Variants in ARSB observed in about 807,000 individuals in gnomAD.
The protein encoded by ARSB is N-acetylgalactosamine-4-sulfatase.
ARSB carries 41 observed loss-of-function variants against 50.9 expected under a neutral mutation model. The observed-to-expected ratio is 0.81, with a 90% confidence interval of 0.63 to 1.04. The LOEUF (loss-of-function observed/expected upper bound fraction) is 1.04. Ranked by LOEUF, ARSB falls within the 50% of genes least tolerant of loss-of-function variation. ARSB has a pLI of 0.00. For synonymous variants in ARSB, 269 were observed against 284.8 expected (o/e 0.94, Z 0.56); for missense variants, 672 against 693.3 (o/e 0.97, Z 0.35).
At chr5:78,792,117 G>A (rs1238454491) in intron 6 of ARSB, among the ~76,000 whole-genome samples, 1 of 152,116 alleles carries the variant, frequency 6.6e-6, no homozygotes, top group Non-Finnish European at 1.5e-5. Context: ...GGTGGCTCAC[G>A]CCTGTAATCC....
rs1561421221 is a variant in ARSB, at chr5:78,780,483, G to C, written c.1516C>G (p.His506Asp). 1 of 1,614,024 alleles carries C rather than the reference G, an allele frequency of 6.2e-7. No individual in the cohort carries two copies. The stretch of plus-strand genomic sequence containing the variant: ...AAGTACACGGGGACTGAGTGTTTAT[G>C]GTAGAACTGTAGGCGGGACAGGAGC... ...TKLLSRLQFY[H>D]KHSVPVYFPA... The change falls in exon 8 of 8, where the codon CAT becomes GAT. Residue 506 changes from histidine (H) to aspartate (D), a missense_variant. His to Asp is a moderately conservative substitution (Grantham distance 81). Transcript: ENST00000264914.
chr5:78,958,669 G>A (rs1300038271), intron 3 of ARSB, among the ~76,000 whole-genome samples: 1 of 152,032 alleles, frequency 6.6e-6, no homozygotes, highest in African/African-American at 2.4e-5. Flanking sequence ...TAGCATGTTT[G>A]CAACTTCTGT....
chr5:78,795,385 G>A (rs758742068), intron 6 of ARSB, among the ~76,000 whole-genome samples: 4 of 152,124 alleles, frequency 2.6e-5, no homozygotes, highest in Non-Finnish European at 5.9e-5. Context: ...AGGGGGCCTG[G>A]GAGCCACACC....
intron 4 of ARSB, among the ~76,000 whole-genome samples, chr5:78,952,044 A>G (rs562183905): frequency 2.2e-4 from 33 of 152,286 alleles, no homozygotes; most frequent in African/African-American, 7.9e-4. Context: ...ATTTAACCTA[A>G]CAAAGCAAAG....
chr5:78,972,015 C>T (rs1752473631), intron 1 of ARSB, among the ~76,000 whole-genome samples: 1 of 152,224 alleles, frequency 6.6e-6, no homozygotes, highest in Non-Finnish European at 1.5e-5. Context: ...TTCTGTTTGC[C>T]CTTCAAATCC....
At chr5:78,926,148 GT>G (rs1405728926) in intron 4 of ARSB, among the ~76,000 whole-genome samples, 1 of 151,960 alleles carries the variant, frequency 6.6e-6, no homozygotes, top group Non-Finnish European at 1.5e-5. Flanking sequence ...AATCCTATTT[GT>G]TGTATGTTAT....
rs71001133 is a variant in ARSB at position 78,873,498 on chromosome 5, A to ATTTT, written c.1142+12082_1142+12085dup. 1.5e-4 allele frequency among the ~76,000 whole-genome samples: 14 copies of ATTTT among 93,214 alleles called. 2 individuals are homozygous for ATTTT. The highest frequency in any genetic ancestry group is 2.7e-4 in the Non-Finnish European group (13 of 48,654). 61.2% of individuals were successfully genotyped at this position (93,214 alleles called of 152,430 possible). On this transcript the variant is annotated intron_variant, in intron 5 of 7. Coordinates refer to ENST00000264914, the MANE Select transcript of ARSB (RefSeq NM_000046.5). Reference sequence around the variant, plus strand: ...GTAGAATATAATATTTAAAACTGTAATTTTTTTTTTTTTTTGAGACGGAGT... The same window carrying ATTTT: ...GTAGAATATAATATTTAAAACTGTAATTTTTTTTTTTTTTTTTTTGAGACGGAGT...
intron 6 of ARSB, among the ~76,000 whole-genome samples, chr5:78,832,618 T>C (rs1744742091): frequency 6.6e-6 from 1 of 152,094 alleles, no homozygotes; most frequent in African/African-American, 2.4e-5. Context: ...ATCTCAAGCA[T>C]GGATTTGGCA....
At chr5:78,786,329 T>A (rs1198811989) in intron 6 of ARSB, among the ~76,000 whole-genome samples, 1 of 152,262 alleles carries the variant, frequency 6.6e-6, no homozygotes, top group African/African-American at 2.4e-5. Flanking sequence ...TATCAGTACT[T>A]CATTCTTTTT....
chr5:78,808,598 G>A (rs1743674049), intron 6 of ARSB, among the ~76,000 whole-genome samples: 1 of 152,138 alleles, frequency 6.6e-6, no homozygotes, highest in South Asian at 2.1e-4. Context: ...ATCCTGTACT[G>A]GGTGGAGTGA....
At chr5:78,783,169 T>A (rs1025672881) in intron 6 of ARSB, 1 of 152,180 alleles carries the variant, frequency 6.6e-6, no homozygotes, top group Non-Finnish European at 1.5e-5. Flanking sequence ...CATCTTGGGA[T>A]CACTTCGAAA....
chr5:78,852,824 T>A (rs1745898872), intron 5 of ARSB, among the ~76,000 whole-genome samples: 1 of 152,228 alleles, frequency 6.6e-6, no homozygotes, highest in South Asian at 2.1e-4. Context: ...CCATCACTGA[T>A]ACCCTTTCTT....
intron 1 of ARSB, among the ~76,000 whole-genome samples, chr5:78,970,422 T>C (rs766544383): frequency 6.6e-6 from 1 of 152,214 alleles, no homozygotes; most frequent in Non-Finnish European, 1.5e-5. Flanking sequence ...CTATTTTTCA[T>C]TGAATAAAAA....
rs1158115998 is a variant in ARSB, at chr5:78,924,678, T to A, written c.898+30617A>T. 3.2e-4 allele frequency among the ~76,000 whole-genome samples: 49 copies of A among 152,246 alleles called. 1 individual carries two copies. On this transcript the variant is annotated intron_variant, in intron 4 of 7. Transcript: ENST00000264914. ...ATCAAAAAGTGATATAAAGTCCTCA[T>A]GTATTCTTTGAGTTACGATTAAATC...
chr5:78,842,748 T>C (rs1368800456), intron 5 of ARSB, among the ~76,000 whole-genome samples: 1 of 150,426 alleles, frequency 6.6e-6, no homozygotes, highest in African/African-American at 2.4e-5. Flanking sequence ...TGGTGTGTGG[T>C]GAGTTTTCTG....
At chr5:78,984,828 G>T (rs1335383780) in intron 1 of ARSB, 109 bp downstream of exon 1, 2 of 927,968 alleles carry the variant, frequency 2.2e-6, no homozygotes, top group African/African-American at 3.5e-5. Flanking sequence ...TGGGTCGGCG[G>T]TCCGAGCCCC....
intron 2 of ARSB, among the ~76,000 whole-genome samples, chr5:78,968,068 T>C (rs1193356373): frequency 6.6e-6 from 1 of 152,120 alleles, no homozygotes; most frequent in African/African-American, 2.4e-5. Context: ...ATCAAGTTTA[T>C]AAAATACTTA....
intron 5 of ARSB, among the ~76,000 whole-genome samples, chr5:78,853,324 C>A (rs1018199908): frequency 1.3e-5 from 2 of 152,218 alleles, no homozygotes; most frequent in Non-Finnish European, 2.9e-5. Context: ...AGGTCCACTC[C>A]AGACCCTGTT....
At chr5:78,984,846 A>G in intron 1 of ARSB, 91 bp downstream of exon 1, 2 of 1,081,256 alleles carry the variant, frequency 1.8e-6, no homozygotes, top group Non-Finnish European at 2.3e-6. Flanking sequence ...CCCGCCTGCC[A>G]GCGCCCGCGG....
Sources: gnomAD v4.1 joint callset for allele counts (sites outside exome capture counted in the v4.1 genomes callset) on GRCh38, gnomAD v4.1.1 for gene constraint, MANE v1.5 for transcripts, NCBI Gene and HGNC (gene_info 2026-07-23, HGNC 2026-07-21) for gene names.